The following HMHB1 variants were observed in gnomAD, a reference collection of about 807,000 sequenced individuals.
The protein encoded by HMHB1 is histocompatibility minor HB-1.
In HMHB1, 4 loss-of-function variants were observed where a neutral mutation model predicts 2.4. The observed-to-expected ratio is 1.65, with a 90% CI of 0.81 to 3.77. HMHB1 has a LOEUF of 3.77. HMHB1 is among the 30% of genes most tolerant of loss of function. HMHB1 has a pLI of 0.01. For synonymous variants in HMHB1, 22 were observed against 17.6 expected (o/e 1.25, Z -0.63); for missense variants, 57 against 44.2 (o/e 1.29, Z -0.82).
intron 1 of HMHB1, among the ~76,000 whole-genome samples, chr5:143,818,375 C>T (rs553463672): frequency 6.6e-6 from 1 of 152,258 alleles, no homozygotes; most frequent in African/African-American, 2.4e-5. Context: ...CACCTCCACC[C>T]CTACTCAAAG....
chr5:143,815,651 C>T (rs1217862130), intron 1 of HMHB1, among the ~76,000 whole-genome samples: 1 of 151,470 alleles, frequency 6.6e-6, no homozygotes, highest in African/African-American at 2.4e-5. Context: ...CTTCAGCCTC[C>T]TAAGTAGCTG....
chr5:143,819,570 G>T (rs1486561701), intron 1 of HMHB1, among the ~76,000 whole-genome samples: 1 of 150,506 alleles, frequency 6.6e-6, no homozygotes, highest in African/African-American at 2.5e-5. Flanking sequence ...GGGGGGCGGA[G>T]GTTGCAATAA....
intron 1 of HMHB1, among the ~76,000 whole-genome samples, 162 bp from the exon 2 acceptor site, chr5:143,820,318 T>TAGA (rs1759794101): frequency 2.1e-5 from 1 of 47,562 alleles, no homozygotes; most frequent in Non-Finnish European, 4.1e-5. Flanking sequence ...TCATCATAAG[T>TAGA]AAAAAAAAAA....
intron 1 of HMHB1, among the ~76,000 whole-genome samples, chr5:143,814,133 A>G (rs1759722880): frequency 6.6e-6 from 1 of 152,216 alleles, no homozygotes; most frequent in South Asian, 2.1e-4. Context: ...AAATAAAAGA[A>G]CTAGCAATAA....
chr5:143,818,935 C>T (rs891426447), intron 1 of HMHB1, among the ~76,000 whole-genome samples: 2 of 152,170 alleles, frequency 1.3e-5, no homozygotes, highest in Non-Finnish European at 2.9e-5. Context: ...AGAGGAGTAT[C>T]GTGAGGACCT....
chr5:143,820,581 G>A lies in HMHB1; in HGVS notation c.*13G>A. The A allele has an allele frequency of 6.4e-7, 1 of 1,570,460 alleles. No individual in the cohort carries two copies. On this transcript the variant is annotated 3_prime_UTR_variant, in exon 2 of 2. Transcript: ENST00000289448. Reference sequence around the variant, plus strand: ...TTATAGGCTTTGACACTGCTGTTGAGGTTTGACTCGAAGCCCAGAGTTTTG... The same window carrying A: ...TTATAGGCTTTGACACTGCTGTTGAAGTTTGACTCGAAGCCCAGAGTTTTG...
intron 1 of HMHB1, among the ~76,000 whole-genome samples, chr5:143,814,159 A>G (rs999925175): frequency 6.6e-6 from 1 of 152,218 alleles, no homozygotes; most frequent in African/African-American, 2.4e-5. Flanking sequence ...CTGAAATCAC[A>G]ACTGAGACAC....
chr5:143,818,307 G>A (rs1759771090), intron 1 of HMHB1, among the ~76,000 whole-genome samples: 1 of 152,138 alleles, frequency 6.6e-6, no homozygotes, highest in Admixed American at 6.5e-5. Flanking sequence ...GAAGGGTAGG[G>A]TAGGGATGAA....
At chr5:143,813,436 G>T (rs925837070) in intron 1 of HMHB1, among the ~76,000 whole-genome samples, 1 of 152,190 alleles carries the variant, frequency 6.6e-6, no homozygotes, top group Non-Finnish European at 1.5e-5. Flanking sequence ...CTTGAGGGAA[G>T]GAACTGTGTT....
chr5:143,815,992 C>T (rs575214750), intron 1 of HMHB1, among the ~76,000 whole-genome samples: 2 of 152,230 alleles, frequency 1.3e-5, no homozygotes, highest in African/African-American at 4.8e-5. Flanking sequence ...AGGCGTGAGC[C>T]GCTGTGCCCA....
intron 1 of HMHB1, among the ~76,000 whole-genome samples, chr5:143,815,897 G>C (rs1759743828): frequency 6.6e-6 from 1 of 150,652 alleles, no homozygotes; most frequent in Non-Finnish European, 1.5e-5. Context: ...TAGTAGAGAC[G>C]GGGTTTCACC....
intron 1 of HMHB1, among the ~76,000 whole-genome samples, chr5:143,818,216 G>A (rs1247955359): frequency 1.3e-5 from 2 of 152,172 alleles, no homozygotes; most frequent in African/African-American, 4.8e-5. Flanking sequence ...TAACAAAGTG[G>A]TAAGACAGCC....
chr5:143,813,958 A>G (rs2126792529), intron 1 of HMHB1, among the ~76,000 whole-genome samples: 1 of 152,314 alleles, frequency 6.6e-6, no homozygotes, highest in African/African-American at 2.4e-5. Context: ...GAGTAACACT[A>G]TTGCAAATTC....
intron 1 of HMHB1, among the ~76,000 whole-genome samples, 163 bp from the exon 2 acceptor site, chr5:143,820,317 G>GAAAAAAAAAAAAAAAAAA (rs1759793579): frequency 2.1e-4 from 1 of 4,758 alleles, no homozygotes; most frequent in African/African-American, 6.4e-4. Context: ...CTCATCATAA[G>GAAAAAAAAAAAAAAAAAA]TAAAAAAAAA....
chr5:143,812,732 C>T (rs1248423642), intron 1 of HMHB1, among the ~76,000 whole-genome samples: 1 of 152,148 alleles, frequency 6.6e-6, no homozygotes, highest in Non-Finnish European at 1.5e-5. Context: ...CGTCCTTTAT[C>T]CTTAGCATGG....
Position 143,820,486 on chromosome 5 carries a change from T to G in HMHB1, c.44T>G (p.Leu15Arg), listed in dbSNP as rs1456161714. 6.2e-7 allele frequency: 1 copy of G among 1,605,310 alleles called. No individual in the cohort carries two copies. Among genetic ancestry groups the G allele is most frequent in the African/African-American group, 1.3e-5 (1 of 74,818 alleles). Residue 15 changes from leucine (L) to arginine (R), a missense_variant, in exon 2 of 2, where the codon CTG becomes CGG. Transcript: ENST00000289448. ...AAGCCATTCTTTTCTATAGGTTCTC[T>G]GCATGTTTGGAAGTCGGAATTGGTT...
At chr5:143,816,335 T>TA (rs1759749275) in intron 1 of HMHB1, among the ~76,000 whole-genome samples, 1 of 152,176 alleles carries the variant, frequency 6.6e-6, no homozygotes, top group Non-Finnish European at 1.5e-5. Context: ...CTATTTGTAG[T>TA]CTTTTATCCC....
chr5:143,816,702 T>C (rs879671448), intron 1 of HMHB1, among the ~76,000 whole-genome samples: 1 of 152,246 alleles, frequency 6.6e-6, no homozygotes, highest in Non-Finnish European at 1.5e-5. Flanking sequence ...TGACTTCTTT[T>C]CCTCTGGGTT....
intron 1 of HMHB1, among the ~76,000 whole-genome samples, 162 bp from the exon 2 acceptor site, chr5:143,820,318 T>TAAAAAAAAAAAAACAAAAAAAAAAAA (rs1759794322): frequency 2.1e-5 from 1 of 47,564 alleles, no homozygotes; most frequent in Non-Finnish European, 4.1e-5. Context: ...TCATCATAAG[T>TAAAAAAAAAAAAACAAAAAAAAAAAA]AAAAAAAAAA....
Sources: gnomAD v4.1 joint callset for allele counts (sites outside exome capture counted in the v4.1 genomes callset) on GRCh38, gnomAD v4.1.1 for gene constraint, MANE v1.5 for transcripts, NCBI Gene and HGNC (gene_info 2026-07-23, HGNC 2026-07-21) for gene names.